NSMCE2: variants seen among roughly 807,000 people sequenced by gnomAD.
The protein encoded by NSMCE2 is E3 SUMO-protein ligase NSE2.
In NSMCE2, 24 loss-of-function variants were observed where a neutral mutation model predicts 23.8. That is an observed-to-expected ratio of 1.01 (90% CI 0.73 to 1.42). NSMCE2 has a LOEUF of 1.42. Ranked by LOEUF, NSMCE2 falls within the 40% of genes most tolerant of loss-of-function variation. NSMCE2 has a pLI of 0.00. For missense variants in NSMCE2, 284 were observed against 296.5 expected, an observed-to-expected ratio of 0.96 and a Z score of 0.31; for synonymous variants, 92 against 94.1, an observed-to-expected ratio of 0.98 and a Z score of 0.13.
chr8:125,176,030 C>G (rs1297519798), intron 4 of NSMCE2, among the ~76,000 whole-genome samples: 1 of 152,156 alleles, frequency 6.6e-6, no homozygotes, highest in Non-Finnish European at 1.5e-5. Context: ...TCCTTGCTGA[C>G]ATAGAGAAAT....
chr8:125,272,648 AAC>A (rs1329984990), intron 5 of NSMCE2, among the ~76,000 whole-genome samples: 4 of 127,892 alleles, frequency 3.1e-5, no homozygotes, highest in Admixed American at 2.2e-4. Flanking sequence ...GCCACAATAA[AAC>A]AGTTATAGAA....
chr8:125,338,404 T>A (rs1830130331), intron 5 of NSMCE2, among the ~76,000 whole-genome samples: 1 of 152,200 alleles, frequency 6.6e-6, no homozygotes, highest in Non-Finnish European at 1.5e-5. Flanking sequence ...TTGGCTTGAA[T>A]TTTCTTCTCA....
chr8:125,296,620 T>A (rs1828337909), intron 5 of NSMCE2, among the ~76,000 whole-genome samples: 1 of 152,134 alleles, frequency 6.6e-6, no homozygotes, highest in Admixed American at 6.6e-5. Context: ...GGTCTCAAAC[T>A]CCTGACCTCA....
At chr8:125,296,318 A>G (rs995273069) in intron 5 of NSMCE2, among the ~76,000 whole-genome samples, 5 of 152,064 alleles carry the variant, frequency 3.3e-5, no homozygotes, top group African/African-American at 9.7e-5. Context: ...GCATGAATGA[A>G]TGAGAGAGAG....
intron 3 of NSMCE2, among the ~76,000 whole-genome samples, chr8:125,131,555 C>T (rs1440424797): frequency 6.6e-6 from 1 of 152,072 alleles, no homozygotes; most frequent in African/African-American, 2.4e-5. Context: ...GCACACCTTG[C>T]CCAGCCAACA....
chr8:125,134,873 G>T (rs185849858), intron 3 of NSMCE2, among the ~76,000 whole-genome samples: 1 of 151,840 alleles, frequency 6.6e-6, no homozygotes, highest in Non-Finnish European at 1.5e-5. Flanking sequence ...GACTATAGGC[G>T]TATGCCACCA....
chr8:125,213,485 G>GTCTCCTCTCCTCTCCTCTCC (rs141971083), intron 5 of NSMCE2, among the ~76,000 whole-genome samples: 32 of 75,144 alleles, frequency 4.3e-4, no homozygotes, highest in African/African-American at 1.6e-3. Context: ...AGGCACCCAT[G>GTCTCCTCTCCTCTCCTCTCC]TCTCCTCTCC....
chr8:125,304,082 A>G (rs1828663565), intron 5 of NSMCE2, among the ~76,000 whole-genome samples: 1 of 152,236 alleles, frequency 6.6e-6, no homozygotes, highest in African/African-American at 2.4e-5. Flanking sequence ...CTGTACTGAC[A>G]TATATACAGG....
At chr8:125,273,053 A>T (rs2131096419) in intron 5 of NSMCE2, among the ~76,000 whole-genome samples, 2 of 152,304 alleles carry the variant, frequency 1.3e-5, no homozygotes, top group South Asian at 4.1e-4. Flanking sequence ...CCTATCATAG[A>T]ACCTGACAGT....
intron 5 of NSMCE2, among the ~76,000 whole-genome samples, chr8:125,356,939 G>A (rs1033217313): frequency 6.6e-6 from 1 of 152,130 alleles, no homozygotes; most frequent in African/African-American, 2.4e-5. Context: ...TCACCAGGTC[G>A]GTTCTCTGAC....
At chr8:125,271,096 C>A (rs947331729) in intron 5 of NSMCE2, among the ~76,000 whole-genome samples, 1 of 151,774 alleles carries the variant, frequency 6.6e-6, no homozygotes, top group African/African-American at 2.4e-5. Flanking sequence ...CCCGTTTCTA[C>A]TAAAAAACAC....
At chr8:125,365,623 A>C (rs1813748311) in intron 7 of NSMCE2, among the ~76,000 whole-genome samples, 1 of 152,194 alleles carries the variant, frequency 6.6e-6, no homozygotes, top group African/African-American at 2.4e-5. Flanking sequence ...TGGGAGGCCG[A>C]GGCAGGTGGA....
At position 125,299,804 on chromosome 8, in the gene NSMCE2, C is replaced by CTTTTTTTTTTT. The variant is rs58789139; in HGVS notation, c.419-57398_419-57388dup. Among the ~76,000 whole-genome samples, 79 of 70,282 alleles carry CTTTTTTTTTTT rather than the reference C, an allele frequency of 1.1e-3. 5 individuals carry two copies. Among genetic ancestry groups the CTTTTTTTTTTT allele is most frequent in the East Asian group, 2.1e-3 (4 of 1,908 alleles). 46.1% of individuals were successfully genotyped at this position (70,282 alleles called of 152,430 possible). On this transcript the variant is annotated intron_variant, in intron 5 of 7. Coordinates refer to ENST00000287437, the MANE Select transcript of NSMCE2 (RefSeq NM_173685.4). ...ACCTTGACCTCATAATTTTGGCTTT[C>CTTTTTTTTTTT]TTTTTTTTTTTTTTTTTTTTTTTTT...
intron 4 of NSMCE2, among the ~76,000 whole-genome samples, chr8:125,151,589 G>A (rs1465102846): frequency 6.6e-6 from 1 of 152,132 alleles, no homozygotes; most frequent in Non-Finnish European, 1.5e-5. Flanking sequence ...CATGCACCTT[G>A]TTTTTATTGT....
chr8:125,366,613 A>G (rs967055055), intron 7 of NSMCE2, among the ~76,000 whole-genome samples, 155 bp from the exon 8 acceptor site: 4 of 152,182 alleles, frequency 2.6e-5, no homozygotes, highest in African/African-American at 2.4e-5. Context: ...TGGCTCAGGT[A>G]GGGACTCAGT....
rs565544957 is a variant in NSMCE2, at chr8:125,124,770, A to C, written c.157+22283A>C. On this transcript the variant is annotated intron_variant, in intron 3 of 7. Coordinates refer to ENST00000287437, the MANE Select transcript of NSMCE2 (RefSeq NM_173685.4). Reference sequence around the variant, plus strand: ...TAGGATTATAGACATGAGCCACTGCACCCAGCCTCCTCAGGATTTTGTTGT... The same window carrying C: ...TAGGATTATAGACATGAGCCACTGCCCCCAGCCTCCTCAGGATTTTGTTGT... Among the ~76,000 whole-genome samples the C allele has an allele frequency of 4.6e-5, 7 of 152,084 alleles. No homozygotes were observed. The South Asian group carries it at 1.5e-3, about 32-fold the overall frequency.
intron 5 of NSMCE2, among the ~76,000 whole-genome samples, chr8:125,312,218 G>C (rs1335015443): frequency 1.3e-5 from 2 of 152,056 alleles, no homozygotes; most frequent in Admixed American, 1.3e-4. Context: ...CAAAAGATTT[G>C]TTACATTATA....
chr8:125,320,247 GGGAGGGAAGGAAGGAAGGAA>G (rs1278324775), intron 5 of NSMCE2, among the ~76,000 whole-genome samples: 2 of 44,662 alleles, frequency 4.5e-5, no homozygotes, highest in Admixed American at 2.5e-4. Flanking sequence ...GAGGGAGGGA[GGGAGGGAAGGAAGGAAGGAA>G]GGAAGGAAGG....
At chr8:125,364,813 C>A (rs551823921) in intron 7 of NSMCE2, among the ~76,000 whole-genome samples, 1 of 152,148 alleles carries the variant, frequency 6.6e-6, no homozygotes, top group East Asian at 1.9e-4. Context: ...GGGTTCTCTC[C>A]CCATTTTAAC....
Sources: gnomAD v4.1 joint callset for allele counts (sites outside exome capture counted in the v4.1 genomes callset) on GRCh38, gnomAD v4.1.1 for gene constraint, MANE v1.5 for transcripts, NCBI Gene and HGNC (gene_info 2026-07-23, HGNC 2026-07-21) for gene names.